The following GLRA1 variants were observed in gnomAD, a reference collection of about 807,000 sequenced individuals.
GLRA1 encodes glycine receptor alpha 1.
Under a neutral mutation model 48.3 loss-of-function variants are expected in GLRA1, and 37 were observed. That is an observed-to-expected ratio of 0.77 (90% confidence interval 0.59 to 1.01). The LOEUF is 1.01. Ranked by LOEUF, GLRA1 falls within the 50% of genes least tolerant of loss-of-function variation. The pLI is 0.00. For synonymous variants in GLRA1, 196 were observed against 210.7 expected, an observed-to-expected ratio of 0.93 and a Z score of 0.60; for missense variants, 427 against 571.0, an observed-to-expected ratio of 0.75 and a Z score of 2.57.
chr5:151,858,685 A>G (rs933265534), intron 4 of GLRA1, among the ~76,000 whole-genome samples: 2 of 152,084 alleles, frequency 1.3e-5, no homozygotes, highest in African/African-American at 2.4e-5. Context: ...GCCTGCTTTC[A>G]GGAAAGACCG....
At chr5:151,831,270 C>T (rs1055677065) in intron 7 of GLRA1, among the ~76,000 whole-genome samples, 10 of 152,226 alleles carry the variant, frequency 6.6e-5, no homozygotes, top group Admixed American at 5.9e-4. Flanking sequence ...TTTCATACCC[C>T]AGTGGCACCT....
intron 3 of GLRA1, among the ~76,000 whole-genome samples, chr5:151,873,256 TGG>T (rs758576400): frequency 7.4e-5 from 11 of 149,604 alleles, no homozygotes; most frequent in Non-Finnish European, 1.6e-4. Flanking sequence ...AAGGGCTTCC[TGG>T]GGGAGGCAGA....
At chr5:151,850,297 C>A in intron 7 of GLRA1, 1 of 1,602,242 alleles carries the variant, frequency 6.2e-7, no homozygotes, top group Non-Finnish European at 8.5e-7. Context: ...CAAACCGGAC[C>A]CTGTGAAAGA....
At position 151,856,187 on chromosome 5, in the gene GLRA1, T is replaced by C. The variant is rs1441272667; in HGVS notation, c.559+114A>G. 8.3e-6 allele frequency: 6 copies of C among 723,342 alleles called. No individual in the cohort carries two copies. In the Admixed American group the frequency reaches 1.2e-4, roughly 14 times the overall value. 44.8% of individuals were successfully genotyped at this position (723,342 alleles called of 1,614,324 possible). On this transcript the variant is annotated intron_variant, in intron 5 of 8. Transcript: ENST00000274576. ...GTCCTTCATTGAATATTTTGGGTTA[T>C]TACAGTAATCTCCTGGGGTCTAGTG... is the stretch of plus-strand genomic sequence containing the variant.
At chr5:151,853,769 G>A (rs1171688952) in intron 6 of GLRA1, among the ~76,000 whole-genome samples, 2 of 151,850 alleles carry the variant, frequency 1.3e-5, no homozygotes, top group Non-Finnish European at 2.9e-5. Context: ...TTATATCTAG[G>A]AATCTATTGC....
intron 3 of GLRA1, among the ~76,000 whole-genome samples, chr5:151,879,206 C>T (rs758383110): frequency 6.6e-6 from 1 of 152,212 alleles, no homozygotes; most frequent in Admixed American, 6.5e-5. Context: ...CTTGACTGTC[C>T]TACTGGATTT....
rs1377789151 is a variant in GLRA1 at position 151,895,625 on chromosome 5, C to CTCTG, written c.57-3188_57-3187insCAGA. On this transcript the variant is annotated intron_variant, in intron 1 of 8. Transcript: ENST00000274576. ...CTCTTGCAGCATGGTGTGTGTGTGTCTGTGTGTGTGTGTGTGTGTGTGTGT... is the reference window on the plus strand; with the variant it reads ...CTCTTGCAGCATGGTGTGTGTGTGTCTCTGTGTGTGTGTGTGTGTGTGTGTGTGT... Among the ~76,000 whole-genome samples the CTCTG allele has an allele frequency of 1.7e-4, 25 of 146,696 alleles. No individual in the cohort carries two copies. In the South Asian group the frequency reaches 4.7e-3, roughly 27 times the overall value.
In GLRA1 at chr5:151,834,566, C is replaced by T. The variant is rs561000601; in HGVS notation, c.913-5499G>A. Among the ~76,000 whole-genome samples the T allele has an allele frequency of 2.1e-4, 32 of 152,128 alleles. No homozygotes were observed. In the South Asian group the frequency reaches 6.7e-3, roughly 32 times the overall value. ...CACCCTAACATCAGAATTAAAAGAA[C>T]TAGAAAAGCAAGAGCAAACAAATTC... On this transcript the variant is annotated intron_variant, in intron 7 of 8. Coordinates refer to ENST00000274576, the MANE Select transcript of GLRA1 (RefSeq NM_000171.4).
intron 1 of GLRA1, among the ~76,000 whole-genome samples, chr5:151,913,597 A>T (rs1292622356): frequency 6.6e-6 from 1 of 152,218 alleles, no homozygotes; most frequent in African/African-American, 2.4e-5. Flanking sequence ...GTAGATCCAT[A>T]TGCACACTGA....
intron 1 of GLRA1, among the ~76,000 whole-genome samples, chr5:151,909,650 G>C (rs1180240900): frequency 6.6e-6 from 1 of 152,112 alleles, no homozygotes; most frequent in African/African-American, 2.4e-5. Flanking sequence ...GTAAGTTCTG[G>C]TCCCTAGTAA....
chr5:151,850,987 C>T (rs759908011), intron 7 of GLRA1, among the ~76,000 whole-genome samples: 1 of 152,166 alleles, frequency 6.6e-6, no homozygotes, highest in African/African-American at 2.4e-5. Context: ...ATCTTTCTAT[C>T]AAATCTCTAG....
intron 4 of GLRA1, among the ~76,000 whole-genome samples, chr5:151,857,622 G>A (rs906890648): frequency 6.6e-6 from 1 of 152,238 alleles, no homozygotes; most frequent in African/African-American, 2.4e-5. Context: ...TACATCAGTA[G>A]GCTCATGCTG....
chr5:151,876,957 C>G (rs1260399673), intron 3 of GLRA1, among the ~76,000 whole-genome samples: 1 of 152,106 alleles, frequency 6.6e-6, no homozygotes, highest in East Asian at 1.9e-4. Flanking sequence ...CTCTGTCTCT[C>G]TTTGCACAGA....
intron 7 of GLRA1, chr5:151,849,112 C>CTTTTTCT (rs1213888721): frequency 6.0e-6 from 1 of 165,606 alleles, no homozygotes; most frequent in African/African-American, 4.5e-5. Context: ...TCTTTTCTTT[C>CTTTTTCT]TTTCTTTCTT....
At chr5:151,859,727 AGGTAGTGG>A in intron 4 of GLRA1, 50 bp downstream of exon 4, 1 of 1,256,876 alleles carries the variant, frequency 8.0e-7, no homozygotes, top group Non-Finnish European at 1.2e-6. Flanking sequence ...TATGCCCAGA[AGGTAGTGG>A]GGCAAGACAT....
Position 151,822,858 on chromosome 5 carries a change from T to G in GLRA1, c.1165A>C (p.Asn389His). ...GGTGCAGGAGGGGGGTTGGTGGTGT[T>G]ACTGTTGTTGGCGCCCTTGACTGAG... ...GISVKGANNS[N>H]TTNPPPAPSK... is the part of the protein sequence containing the mutation. The change falls in exon 9 of 9, where the codon AAC becomes CAC. Residue 389 changes from asparagine to histidine, a missense_variant. By Grantham distance (68) the Asn-to-His change is moderately conservative. Transcript: ENST00000274576. The G allele has an allele frequency of 1.9e-6, 3 of 1,614,136 alleles. No homozygotes were observed. The highest frequency in any genetic ancestry group is 1.7e-6 in the Non-Finnish European group (2 of 1,179,998).
intron 1 of GLRA1, among the ~76,000 whole-genome samples, chr5:151,920,819 G>C (rs1025778304): frequency 3.9e-5 from 6 of 152,114 alleles, no homozygotes; most frequent in African/African-American, 1.4e-4. Flanking sequence ...GATTCAAGGT[G>C]GAGTACAGCT....
chr5:151,917,400 G>T (rs560572880), intron 1 of GLRA1, among the ~76,000 whole-genome samples: 76 of 152,238 alleles, frequency 5.0e-4, no homozygotes, highest in Non-Finnish European at 9.3e-4. Flanking sequence ...TCAGTAGTTT[G>T]ATATGATTTT....
At chr5:151,891,279 C>G (rs1044247724) in intron 2 of GLRA1, among the ~76,000 whole-genome samples, 1 of 152,162 alleles carries the variant, frequency 6.6e-6, no homozygotes, top group African/African-American at 2.4e-5. Context: ...CCTCCTGAGG[C>G]GTCAGTAAAC....
Sources: allele counts gnomAD v4.1 joint callset (sites outside exome capture counted in the v4.1 genomes callset), GRCh38; gene constraint gnomAD v4.1.1; transcripts MANE v1.5; gene names NCBI Gene and HGNC (gene_info 2026-07-23, HGNC 2026-07-21).